MYRIP: variants seen among roughly 807,000 people sequenced by gnomAD.
The protein encoded by MYRIP is rab effector MyRIP.
A neutral mutation model predicts 98.0 loss-of-function variants in MYRIP; 49 were observed. That is an observed-to-expected ratio of 0.50 (90% CI 0.40 to 0.63). The LOEUF is 0.63. Among genes scored for constraint, MYRIP ranks in the 30% least tolerant of loss-of-function variants. The pLI, the probability that MYRIP is intolerant of heterozygous loss-of-function variation, is 0.00. For missense variants in MYRIP, 1,004 were observed against 1,058.2 expected, an observed-to-expected ratio of 0.95 and a Z score of 0.71; for synonymous variants, 404 against 409.5, an observed-to-expected ratio of 0.99 and a Z score of 0.16.
chr3:40,191,539 A>C (rs751565722), intron 10 of MYRIP, among the ~76,000 whole-genome samples: 12 of 152,182 alleles, frequency 7.9e-5, no homozygotes, highest in Non-Finnish European at 1.8e-4. Context: ...AGTGTCTTCT[A>C]CAAGATCTTC....
chr3:40,100,059 C>G (rs1948915427), intron 3 of MYRIP: 1 of 984,812 alleles, frequency 1.0e-6, no homozygotes, highest in African/African-American at 1.7e-5. Flanking sequence ...GTATTGCTCT[C>G]TACCCAGAGC....
intron 13 of MYRIP, among the ~76,000 whole-genome samples, chr3:40,246,809 C>A (rs1953221648): frequency 6.6e-6 from 1 of 151,966 alleles, no homozygotes; most frequent in South Asian, 2.1e-4. Flanking sequence ...TTTATTGAGT[C>A]AAAAATACAA....
At chr3:39,950,432 T>C (rs1944983749) in intron 2 of MYRIP, among the ~76,000 whole-genome samples, 1 of 152,234 alleles carries the variant, frequency 6.6e-6, no homozygotes, top group Non-Finnish European at 1.5e-5. Context: ...TTTCATATGT[T>C]TTAGAAACAT....
At chr3:40,128,360 G>A (rs1469974580) in intron 3 of MYRIP, among the ~76,000 whole-genome samples, 6 of 152,212 alleles carry the variant, frequency 3.9e-5, no homozygotes, top group Non-Finnish European at 7.3e-5. Flanking sequence ...GTCCAGTGGT[G>A]GTGATCTGGA....
At chr3:39,884,483 A>G (rs1354336898) in intron 1 of MYRIP, among the ~76,000 whole-genome samples, 1 of 152,156 alleles carries the variant, frequency 6.6e-6, no homozygotes, top group African/African-American at 2.4e-5. Flanking sequence ...ATTACCCTCC[A>G]CAATGTGGAT....
intron 2 of MYRIP, among the ~76,000 whole-genome samples, chr3:39,906,193 A>C (rs1457635372): frequency 6.6e-6 from 1 of 152,044 alleles, no homozygotes; most frequent in African/African-American, 2.4e-5. Flanking sequence ...ATTGCTGCAC[A>C]TTAACCATGT....
At chr3:40,188,480 A>G (rs1951096413) in intron 9 of MYRIP, among the ~76,000 whole-genome samples, 1 of 32,622 alleles carries the variant, frequency 3.1e-5, no homozygotes, top group African/African-American at 1.5e-4. Context: ...GGTTAAAAGG[A>G]AAAAAAAAAA....
At chr3:40,037,754 G>C (rs1193704753) in intron 2 of MYRIP, among the ~76,000 whole-genome samples, 6 of 152,022 alleles carry the variant, frequency 3.9e-5, no homozygotes, top group Admixed American at 3.9e-4. Context: ...GTAGATTTGT[G>C]AATGCTAATC....
chr3:40,222,292 T>C (rs1952358789), intron 11 of MYRIP, among the ~76,000 whole-genome samples: 1 of 152,144 alleles, frequency 6.6e-6, no homozygotes, highest in African/African-American at 2.4e-5. Context: ...AGGTGGCAAC[T>C]TGTCAGATTG....
At chr3:39,948,201 C>T (rs1944940743) in intron 2 of MYRIP, among the ~76,000 whole-genome samples, 1 of 152,140 alleles carries the variant, frequency 6.6e-6, no homozygotes, top group Admixed American at 6.6e-5. Context: ...TATAGCCTCT[C>T]AAAAGACAAT....
intron 10 of MYRIP, among the ~76,000 whole-genome samples, chr3:40,202,906 C>CTTATTTATTTATTTAT (rs35758632): frequency 7.0e-6 from 1 of 142,428 alleles, no homozygotes; most frequent in African/African-American, 2.6e-5. Context: ...CCTCCATTTA[C>CTTATTTATTTATTTAT]TTATTTATTT....
intron 2 of MYRIP, among the ~76,000 whole-genome samples, chr3:39,947,880 A>G (rs1944936025): frequency 6.6e-6 from 1 of 152,156 alleles, no homozygotes; most frequent in Non-Finnish European, 1.5e-5. Context: ...GTTTACTTCA[A>G]TTTCTCTAAA....
intron 2 of MYRIP, among the ~76,000 whole-genome samples, chr3:39,981,606 T>C (rs1046023658): frequency 6.6e-6 from 1 of 152,124 alleles, no homozygotes; most frequent in Admixed American, 6.6e-5. Context: ...GTTGTTGGGG[T>C]CTTGCTGCAG....
intron 11 of MYRIP, among the ~76,000 whole-genome samples, chr3:40,210,306 CT>C (rs1351469079): frequency 2.0e-5 from 3 of 152,190 alleles, no homozygotes; most frequent in Admixed American, 1.3e-4. Flanking sequence ...TTCCCAAGAA[CT>C]CTTACCTTCC....
In MYRIP at chr3:39,860,119, A is replaced by G. The variant is rs535818607; in HGVS notation, c.-30-40668A>G. ...ATAGAAAACTCTAAAGACTCCACACACACATACACAAAACTGTTAGAACTA... is the reference window on the plus strand; with the variant it reads ...ATAGAAAACTCTAAAGACTCCACACGCACATACACAAAACTGTTAGAACTA... On this transcript the variant is annotated intron_variant, in intron 1 of 16. Transcript: ENST00000302541. Among the ~76,000 whole-genome samples, 4 of 152,358 alleles carry G rather than the reference A, an allele frequency of 2.6e-5. No individual in the cohort carries two copies. In the East Asian group the frequency reaches 7.7e-4, roughly 29 times the overall value.
At chr3:39,979,162 C>T (rs1945822619) in intron 2 of MYRIP, among the ~76,000 whole-genome samples, 2 of 152,006 alleles carry the variant, frequency 1.3e-5, no homozygotes, top group Non-Finnish European at 2.9e-5. Context: ...TTTTGTTTGT[C>T]TGTTTTTTGA....
intron 1 of MYRIP, among the ~76,000 whole-genome samples, chr3:39,895,919 G>C (rs991965258): frequency 3.5e-5 from 1 of 28,714 alleles, no homozygotes; most frequent in African/African-American, 6.1e-4. Context: ...TGTGTGTGGT[G>C]TGTGTGTGTG....
chr3:39,914,546 C>T (rs1363855422), intron 2 of MYRIP, among the ~76,000 whole-genome samples: 1 of 151,930 alleles, frequency 6.6e-6, no homozygotes, highest in Non-Finnish European at 1.5e-5. Flanking sequence ...ATAAAATAAA[C>T]AATCTATATT....
intron 1 of MYRIP, among the ~76,000 whole-genome samples, chr3:39,829,055 T>C (rs1173755183): frequency 6.6e-6 from 1 of 152,234 alleles, no homozygotes; most frequent in South Asian, 2.1e-4. Flanking sequence ...ATCTCCACAC[T>C]GTTTTCCATA....
Sources: allele counts gnomAD v4.1 joint callset (sites outside exome capture counted in the v4.1 genomes callset), GRCh38; gene constraint gnomAD v4.1.1; transcripts MANE v1.5; gene names NCBI Gene and HGNC (gene_info 2026-07-23, HGNC 2026-07-21).